DNAH14: variants seen among roughly 807,000 people sequenced by gnomAD.
The protein encoded by DNAH14 is dynein axonemal heavy chain 14, also known as axonemal beta dynein heavy chain 14.
DNAH14 carries 478 observed loss-of-function variants against 520.9 expected under a neutral mutation model. That is an observed-to-expected ratio of 0.92 (90% CI 0.85 to 0.99). The LOEUF is 0.99. Ranked by LOEUF, DNAH14 falls within the 50% of genes least tolerant of loss-of-function variation. The pLI is 0.00. For missense variants in DNAH14, 4,831 were observed against 5,234.5 expected, an observed-to-expected ratio of 0.92 and a Z score of 2.38; for synonymous variants, 1,581 against 1,757.2, an observed-to-expected ratio of 0.90 and a Z score of 2.51.
intron 41 of DNAH14, among the ~76,000 whole-genome samples, chr1:225,217,511 A>C (rs1273708928): frequency 6.6e-6 from 1 of 152,186 alleles, no homozygotes; most frequent in Non-Finnish European, 1.5e-5. Context: ...TGGAATCTGC[A>C]GAGGCAGGCA....
chr1:225,098,189 G>C (rs976772598), intron 22 of DNAH14, among the ~76,000 whole-genome samples: 1 of 150,734 alleles, frequency 6.6e-6, no homozygotes, highest in African/African-American at 2.5e-5. Context: ...ACCACAGAGA[G>C]AGACTGTTTC....
intron 42 of DNAH14, among the ~76,000 whole-genome samples, chr1:225,231,755 G>T (rs1334553589): frequency 6.6e-6 from 1 of 152,146 alleles, no homozygotes; most frequent in Middle Eastern, 3.4e-3. Flanking sequence ...TCTACGTCTT[G>T]ATTATGGCAT....
intron 84 of DNAH14, among the ~76,000 whole-genome samples, chr1:225,394,404 C>T (rs1423813735): frequency 6.6e-6 from 1 of 152,108 alleles, no homozygotes; most frequent in Non-Finnish European, 1.5e-5. Flanking sequence ...TAACAAAGTC[C>T]AGTGTATCCA....
chr1:224,967,369 A>C lies in DNAH14; in HGVS notation c.499-62A>C, dbSNP rs180670639. 2.4e-6 allele frequency: 3 copies of C among 1,249,358 alleles called. No homozygotes were observed. In the East Asian group the frequency reaches 8.1e-5, roughly 34 times the overall value. 77.4% of individuals were successfully genotyped at this position (1,249,358 alleles called of 1,614,324 possible). On this transcript the variant is annotated intron_variant, in intron 5 of 85. Coordinates refer to ENST00000682510, the MANE Select transcript of DNAH14 (RefSeq NM_001367479.1). The stretch of plus-strand genomic sequence containing the variant: ...AGTGGGTAATCTGTTCACCCATTGT[A>C]TTAATTTAGTTAATTTAGTCAAATT...
intron 75 of DNAH14, among the ~76,000 whole-genome samples, chr1:225,362,921 G>A (rs754390320): frequency 1.3e-5 from 2 of 151,866 alleles, no homozygotes; most frequent in Non-Finnish European, 1.5e-5. Flanking sequence ...ACAGAGAGAG[G>A]CAGAAGGAGG....
intron 61 of DNAH14, among the ~76,000 whole-genome samples, chr1:225,320,376 CT>C (rs1428839427): frequency 6.6e-6 from 1 of 152,192 alleles, no homozygotes; most frequent in East Asian, 1.9e-4. Context: ...CAAGTAGGCC[CT>C]TTTCCCTGCC....
intron 66 of DNAH14, among the ~76,000 whole-genome samples, chr1:225,335,880 T>TGTACATACAC (rs2095014483): frequency 4.2e-5 from 1 of 23,718 alleles, no homozygotes; most frequent in Non-Finnish European, 7.3e-5. Flanking sequence ...CACATATACA[T>TGTACATACAC]ATATGTACAT....
At chr1:225,076,515 A>G (rs1381625834) in intron 17 of DNAH14, among the ~76,000 whole-genome samples, 1 of 152,180 alleles carries the variant, frequency 6.6e-6, no homozygotes, top group Non-Finnish European at 1.5e-5. Flanking sequence ...CTACAGGGAT[A>G]TGATTGCTGG....
chr1:224,999,341 G>C (rs1206947769), intron 8 of DNAH14, among the ~76,000 whole-genome samples: 1 of 151,968 alleles, frequency 6.6e-6, no homozygotes, highest in Non-Finnish European at 1.5e-5. Context: ...CAAGTAGCTG[G>C]GATTACAGGC....
Position 224,940,546 on chromosome 1 carries a change from G to A in DNAH14, c.-34+10711G>A, listed in dbSNP as rs535769156. ...TTATTTTATTTTTATTATACTTTAA[G>A]TTTTAGGGTACATGTGCACAATGTG... On this transcript the variant is annotated intron_variant, in intron 1 of 85. Transcript: ENST00000682510. Among the ~76,000 whole-genome samples, 6 of 151,850 alleles carry A rather than the reference G, an allele frequency of 4.0e-5. No individual in the cohort carries two copies. In the South Asian group the frequency reaches 1.0e-3, roughly 26 times the overall value.
intron 8 of DNAH14, among the ~76,000 whole-genome samples, chr1:225,000,672 G>A (rs2063702208): frequency 6.6e-6 from 1 of 151,278 alleles, no homozygotes; most frequent in Non-Finnish European, 1.5e-5. Flanking sequence ...TACCTCCTGA[G>A]TTCAAACGAT....
At chr1:225,125,688 G>T (rs2077660383) in intron 27 of DNAH14, among the ~76,000 whole-genome samples, 1 of 152,116 alleles carries the variant, frequency 6.6e-6, no homozygotes, top group Admixed American at 6.6e-5. Context: ...CAGCAGTAAG[G>T]CTGTTTTGCT....
intron 17 of DNAH14, among the ~76,000 whole-genome samples, chr1:225,067,536 C>T (rs1003965560): frequency 1.3e-5 from 2 of 152,096 alleles, no homozygotes; most frequent in Admixed American, 6.6e-5. Flanking sequence ...TTTGAGGAAT[C>T]GCCACGCTGT....
intron 23 of DNAH14, among the ~76,000 whole-genome samples, chr1:225,106,474 G>A (rs556461986): frequency 6.6e-6 from 1 of 152,256 alleles, no homozygotes; most frequent in South Asian, 2.1e-4. Context: ...CCTGCAGAGT[G>A]TTTTCCAACT....
intron 66 of DNAH14, among the ~76,000 whole-genome samples, chr1:225,335,972 T>C (rs547466750): frequency 6.9e-6 from 1 of 145,978 alleles, no homozygotes; most frequent in South Asian, 2.1e-4. Context: ...TACATATATG[T>C]ACATATGTGT....
chr1:225,384,202 A>G (rs2095813383), intron 81 of DNAH14, among the ~76,000 whole-genome samples: 1 of 152,204 alleles, frequency 6.6e-6, no homozygotes, highest in Non-Finnish European at 1.5e-5. Context: ...GCTGAGAAGA[A>G]TGTATATTCT....
At chr1:224,939,891 G>A (rs1244599737) in intron 1 of DNAH14, among the ~76,000 whole-genome samples, 1 of 152,144 alleles carries the variant, frequency 6.6e-6, no homozygotes, top group East Asian at 1.9e-4. Context: ...ACTGAATCAT[G>A]GAGGTGGATG....
At chr1:225,300,774 A>G in intron 55 of DNAH14, 95 bp from the exon 56 acceptor site, 1 of 1,290,336 alleles carries the variant, frequency 7.7e-7, no homozygotes. Context: ...GTTCTCCTTA[A>G]TCACTGTTGC....
intron 23 of DNAH14, among the ~76,000 whole-genome samples, chr1:225,109,043 C>T (rs1474282852): frequency 6.6e-6 from 1 of 152,086 alleles, no homozygotes; most frequent in African/African-American, 2.4e-5. Flanking sequence ...GGATTCGTTT[C>T]TGGATTTCTC....
Sources: gnomAD v4.1 joint callset for allele counts (sites outside exome capture counted in the v4.1 genomes callset) on GRCh38, gnomAD v4.1.1 for gene constraint, MANE v1.5 for transcripts, NCBI Gene and HGNC (gene_info 2026-07-23, HGNC 2026-07-21) for gene names.